SLC39A6: variants seen among roughly 807,000 people sequenced by gnomAD.
The protein encoded by SLC39A6 is solute carrier family 39 member 6, also known as zinc transporter ZIP6.
In SLC39A6, 51 loss-of-function variants were observed where a neutral mutation model predicts 63.5. The ratio of observed to expected loss-of-function variants is 0.80; its 90% CI spans 0.64 to 1.01. The LOEUF (loss-of-function observed/expected upper bound fraction) is 1.01. Among genes scored for constraint, SLC39A6 ranks in the 50% least tolerant of loss-of-function variants. The pLI is 0.00. For missense variants in SLC39A6, 805 were observed against 927.8 expected (o/e 0.87, Z 1.72); for synonymous variants, 318 against 324.7 (o/e 0.98, Z 0.22).
Position 36,108,907 on chromosome 18 carries a change from A to C in SLC39A6, c.*686T>G, listed in dbSNP as rs968937795. On this transcript the variant is annotated 3_prime_UTR_variant, in exon 10 of 10. Coordinates refer to ENST00000269187, the MANE Select transcript of SLC39A6 (RefSeq NM_012319.4). ...AATTCCAATTTCTTGGTCAAGTGAT[A>C]TATTGCTTGAATTCATTAAATATAT... is the stretch of plus-strand genomic sequence containing the variant. 5 of 152,206 alleles carry C rather than the reference A, an allele frequency of 3.3e-5. No homozygotes were observed. The highest frequency in any genetic ancestry group is 7.2e-5 in the African/African-American group (3 of 41,460). 9.4% of individuals were successfully genotyped at this position (152,206 alleles called of 1,614,324 possible).
At chr18:36,127,094 A>G in intron 1 of SLC39A6, 78 bp from the exon 2 acceptor site, 3 of 1,261,294 alleles carry the variant, frequency 2.4e-6, no homozygotes, top group Non-Finnish European at 3.3e-6. Context: ...CTGAAAATTA[A>G]TGTGTAATCA....
At chr18:36,125,010 G>A (rs2089424685) in intron 2 of SLC39A6, among the ~76,000 whole-genome samples, 2 of 152,118 alleles carry the variant, frequency 1.3e-5, no homozygotes, top group African/African-American at 4.8e-5. Context: ...CTGTATAAAC[G>A]TATTAAGGAA....
intron 5 of SLC39A6, among the ~76,000 whole-genome samples, chr18:36,120,618 A>G (rs1037338420): frequency 1.3e-5 from 2 of 152,198 alleles, no homozygotes; most frequent in African/African-American, 4.8e-5. Context: ...GCACAATTTA[A>G]TTACACATTG....
rs1282626746 is a variant in SLC39A6, at chr18:36,114,184, C to A, written c.1756G>T (p.Glu586Ter). 4 of 1,614,006 alleles carry A rather than the reference C, an allele frequency of 2.5e-6. No homozygotes were observed. The highest frequency in any genetic ancestry group is 1.7e-5 in the Admixed American group (1 of 59,986). ...GTGGCGACGCCGGCATCTTTCAGCT[C>A]CTCCCGAGAGTAGCGCTGGCTGTGA... ...HSHSQRYSRE[E>*]LKDAGVATLA... Residue 586 changes from glutamate to a stop codon, truncating the protein, a stop_gained, in exon 7 of 10, where the codon GAG (glutamate) becomes TAG (stop). Transcript: ENST00000269187. LOFTEE classifies it high-confidence loss of function.
intron 5 of SLC39A6, among the ~76,000 whole-genome samples, chr18:36,120,703 G>A (rs1430443137): frequency 1.3e-5 from 2 of 152,222 alleles, no homozygotes; most frequent in East Asian, 1.9e-4. Context: ...ATGTTGCCCA[G>A]GCTGCTCTCA....
intron 5 of SLC39A6, among the ~76,000 whole-genome samples, chr18:36,118,600 C>T (rs2089366875): frequency 6.6e-6 from 1 of 152,050 alleles, no homozygotes; most frequent in Non-Finnish European, 1.5e-5. Flanking sequence ...TGGCCGGGGC[C>T]TACTAGGTCA....
intron 6 of SLC39A6, among the ~76,000 whole-genome samples, chr18:36,115,963 G>A (rs567300704): frequency 6.6e-6 from 1 of 152,232 alleles, no homozygotes; most frequent in African/African-American, 2.4e-5. Context: ...TGACAGAAAA[G>A]GACAAGTACC....
intron 4 of SLC39A6, among the ~76,000 whole-genome samples, chr18:36,123,237 C>A (rs1450983085): frequency 6.6e-6 from 1 of 152,160 alleles, no homozygotes; most frequent in Non-Finnish European, 1.5e-5. Context: ...TACTAATAGC[C>A]AGGCAGAATT....
chr18:36,111,215 G>C lies in SLC39A6; in HGVS notation c.1959C>G (p.Thr653=). 1.2e-6 allele frequency: 2 copies of C among 1,614,064 alleles called. No homozygotes were observed. The highest frequency in any genetic ancestry group is 1.7e-6 in the Non-Finnish European group (2 of 1,179,944). Residue 653 remains threonine (T), a synonymous_variant, in exon 9 of 10, where the codon ACC becomes ACG. Coordinates refer to ENST00000269187, the MANE Select transcript of SLC39A6 (RefSeq NM_012319.4). ...CATTATAAAGGACAGCCTGCTTAAC[G>C]GTCATGCCAGCCTTTAGTAGAACAG... ...DFAVLLKAGM[T]VKQAVLYNAL... is the part of the protein sequence containing the mutation.
rs1368362429 is a variant in SLC39A6 at position 36,109,349 on chromosome 18, T to C, written c.*244A>G. On this transcript the variant is annotated 3_prime_UTR_variant, in exon 10 of 10. Transcript: ENST00000269187. The stretch of plus-strand genomic sequence containing the variant: ...CATACAGAACATGTCATGCCAAATC[T>C]CTTGTTTACATAATAAACTGGTAAT... 1.6e-5 allele frequency: 5 copies of C among 303,510 alleles called. No individual in the cohort carries two copies. The highest frequency in any genetic ancestry group is 3.0e-5 in the Non-Finnish European group (5 of 165,034). 18.8% of individuals were successfully genotyped at this position (303,510 alleles called of 1,614,324 possible). A position where few individuals can be genotyped will look rare whatever the true frequency, so the allele number is the denominator to read the frequency against.
chr18:36,115,642 A>G (rs115339881), intron 6 of SLC39A6, among the ~76,000 whole-genome samples: 151 of 152,232 alleles, frequency 9.9e-4, no homozygotes, highest in African/African-American at 3.5e-3. Flanking sequence ...ACGGTATTCC[A>G]AGTACAAGGA....
In SLC39A6 at chr18:36,122,195, G is replaced by A. The variant is rs761099254; in HGVS notation, c.1216C>T (p.His406Tyr). 6.2e-7 allele frequency: 1 copy of A among 1,614,032 alleles called. No individual in the cohort carries two copies. Among genetic ancestry groups the A allele is most frequent in the South Asian group, 1.1e-5 (1 of 91,082 alleles). Reference protein sequence around the residue: ...MEMKRGPLFSHLSSQNIEESA... With the variant: ...MEMKRGPLFSYLSSQNIEESA... Reference sequence around the variant, plus strand: ...TCTTCTATGTTTTGAGAAGACAGATGACTGAAAAGTGGTCCTCTTTTCATT... The same window carrying A: ...TCTTCTATGTTTTGAGAAGACAGATAACTGAAAAGTGGTCCTCTTTTCATT... Residue 406 changes from histidine (H) to tyrosine (Y), a missense_variant, in exon 5 of 10, where the codon CAT becomes TAT. Physicochemically the swap from His to Tyr is moderately conservative, Grantham distance 83. Coordinates refer to ENST00000269187, the MANE Select transcript of SLC39A6 (RefSeq NM_012319.4).
chr18:36,125,412 T>C (rs1390632263), intron 2 of SLC39A6, among the ~76,000 whole-genome samples: 1 of 151,624 alleles, frequency 6.6e-6, no homozygotes, highest in East Asian at 1.9e-4. Context: ...TCTCATCTTC[T>C]GTAAAGACAT....
chr18:36,121,684 G>A (rs141993106), intron 5 of SLC39A6, among the ~76,000 whole-genome samples: 1 of 140,616 alleles, frequency 7.1e-6, no homozygotes, highest in African/African-American at 2.6e-5. Context: ...TGGGTGACTG[G>A]AAATTAATGA....
intron 8 of SLC39A6, among the ~76,000 whole-genome samples, chr18:36,112,001 G>A (rs1785919): frequency 0.3 from 45,606 of 152,116 alleles, 7,259 homozygotes; most frequent in Middle Eastern, 0.46. Flanking sequence ...ATTATAAAAG[G>A]AGAAAAGAGA....
Position 36,126,619 on chromosome 18 carries a change from G to A in SLC39A6, c.389C>T (p.Ser130Phe). The change falls in exon 2 of 10, where the codon TCT (serine) becomes TTT (phenylalanine). Residue 130 changes from serine to phenylalanine, a missense_variant. Coordinates refer to ENST00000269187, the MANE Select transcript of SLC39A6 (RefSeq NM_012319.4). Reference sequence around the variant, plus strand: ...ACCAGAAGCAGCATGATTATGGTGAGAGTGATGATCATGGTCAGAGTGATG... The same window carrying A: ...ACCAGAAGCAGCATGATTATGGTGAAAGTGATGATCATGGTCAGAGTGATG... Reference protein sequence around the residue: ...HEHHSDHDHHSHHNHAASGKN... With the variant: ...HEHHSDHDHHFHHNHAASGKN... 10 of 1,614,110 alleles carry A rather than the reference G, an allele frequency of 6.2e-6. No homozygotes were observed. The highest frequency in any genetic ancestry group is 3.3e-4 in the Middle Eastern group (2 of 6,062).
intron 3 of SLC39A6, among the ~76,000 whole-genome samples, 181 bp downstream of exon 3, chr18:36,124,338 AT>A (rs577320407): frequency 4.0e-5 from 6 of 151,522 alleles, no homozygotes; most frequent in Non-Finnish European, 7.4e-5. Context: ...ATTTTCTGGG[AT>A]TTTTTTTTAA....
intron 4 of SLC39A6, 56 bp downstream of exon 4, chr18:36,123,439 A>AT (rs991510052): frequency 6.6e-4 from 948 of 1,430,606 alleles, no homozygotes; most frequent in South Asian, 8.6e-4. Context: ...AAACCAAAAC[A>AT]TTTTTTTTTC....
rs1277131587 is a variant in SLC39A6, at chr18:36,122,271, C to A, written c.1141-1G>T. On this transcript the variant is annotated splice_acceptor_variant, in intron 4 of 9. Coordinates refer to ENST00000269187, the MANE Select transcript of SLC39A6 (RefSeq NM_012319.4). LOFTEE classifies it high-confidence loss of function. ...GACTATGGTGGTGACTTGCATGAGA[C>A]TGAAGGCAAAATAATTTGTTATTTA... is the stretch of plus-strand genomic sequence containing the variant. 1.9e-6 allele frequency: 3 copies of A among 1,596,464 alleles called. No individual in the cohort carries two copies. The highest frequency in any genetic ancestry group is 2.6e-6 in the Non-Finnish European group (3 of 1,170,096).
Sources: allele counts gnomAD v4.1 joint callset (sites outside exome capture counted in the v4.1 genomes callset), GRCh38; gene constraint gnomAD v4.1.1; transcripts MANE v1.5; gene names NCBI Gene and HGNC (gene_info 2026-07-23, HGNC 2026-07-21).